The following NBAS variants were observed in gnomAD, a reference collection of about 807,000 sequenced individuals.
NBAS encodes NAG/BC035112 fusion.
In NBAS, 219 loss-of-function variants were observed where a neutral mutation model predicts 302.5. The ratio of observed to expected loss-of-function variants is 0.72; its 90% CI spans 0.65 to 0.81. The LOEUF is 0.81. NBAS is among the 30% of genes least tolerant of loss of function. The probability of loss-of-function intolerance (pLI) is 0.00; values close to 1 mark genes in which losing one functional copy is unlikely to be tolerated. For missense variants in NBAS, 2,932 were observed against 2,841.6 expected (o/e 1.03, Z -0.72); for synonymous variants, 1,118 against 1,021.6 (o/e 1.09, Z -1.80).
chr2:15,330,446 A>T (rs943558843), intron 36 of NBAS, 152 bp downstream of exon 36: 3 of 922,802 alleles, frequency 3.3e-6, no homozygotes, highest in Non-Finnish European at 4.9e-6. Context: ...AAAAGAGATT[A>T]CTCCCTATCT....
intron 48 of NBAS, among the ~76,000 whole-genome samples, chr2:15,198,870 T>C (rs984492419): frequency 3.3e-5 from 5 of 152,172 alleles, no homozygotes; most frequent in Admixed American, 6.5e-5. Flanking sequence ...CTCACGCCTG[T>C]AATCCCAGCA....
rs538294654 is a variant in NBAS at position 15,519,824 on chromosome 2, A to T, written c.747-8474T>A. Among the ~76,000 whole-genome samples the T allele has an allele frequency of 1.1e-4, 16 of 152,270 alleles. No individual in the cohort carries two copies. In the South Asian group the frequency reaches 3.3e-3, roughly 32 times the overall value. On this transcript the variant is annotated intron_variant, in intron 9 of 51. Transcript: ENST00000281513. ...ACCACATTTTGAGAACCACTGCTTT[A>T]CTTTATGTTTGAATCTGTTATATGA... is the stretch of plus-strand genomic sequence containing the variant.
the NBAS span, among the ~76,000 whole-genome samples, chr2:15,144,046 A>ATATATATATATTATCCTATATATATAT: frequency 9.6e-6 from 1 of 104,552 alleles, no homozygotes; most frequent in African/African-American, 4.8e-5. Flanking sequence ...CCTATATATA[A>ATATATATATATTATCCTATATATATAT]AAATATATAT....
chr2:15,362,170 C>T (rs1673962089), intron 32 of NBAS, among the ~76,000 whole-genome samples: 1 of 150,414 alleles, frequency 6.6e-6, no homozygotes, highest in South Asian at 2.1e-4. Flanking sequence ...CAAGTATTGG[C>T]CCAATCTATT....
intron 32 of NBAS, among the ~76,000 whole-genome samples, chr2:15,361,405 C>G (rs749532774): frequency 6.6e-6 from 1 of 151,470 alleles, no homozygotes; most frequent in Non-Finnish European, 1.5e-5. Context: ...CCCAGCTACT[C>G]GGGAGGCTGA....
chr2:15,127,170 C>T, the NBAS span, among the ~76,000 whole-genome samples: 3 of 152,222 alleles, frequency 2.0e-5, no homozygotes, highest in East Asian at 1.9e-4. Flanking sequence ...TCATTTTGCA[C>T]TGGACTGCAA....
chr2:15,113,604 C>T, the NBAS span, among the ~76,000 whole-genome samples: 1 of 152,128 alleles, frequency 6.6e-6, no homozygotes. Context: ...ACAATCTGAG[C>T]ATCATTAAGA....
intron 51 of NBAS, among the ~76,000 whole-genome samples, chr2:15,173,473 ATACTAT>A (rs1161160733): frequency 2.6e-5 from 4 of 152,244 alleles, no homozygotes; most frequent in Non-Finnish European, 5.9e-5. Flanking sequence ...GTTCTCATAT[ATACTAT>A]TACTAATAAA....
At chr2:14,948,182 T>C in the NBAS span, among the ~76,000 whole-genome samples, 2 of 152,074 alleles carry the variant, frequency 1.3e-5, no homozygotes, top group Non-Finnish European at 2.9e-5. Flanking sequence ...TTTTGTTATG[T>C]TCTTGTCTGG....
the NBAS span, among the ~76,000 whole-genome samples, chr2:15,019,480 A>T: frequency 6.6e-6 from 1 of 152,274 alleles, no homozygotes; most frequent in African/African-American, 2.4e-5. Flanking sequence ...GGGGCTGCAG[A>T]CAGAAAGAAA....
chr2:14,925,675 C>G, the NBAS span, among the ~76,000 whole-genome samples: 1 of 152,122 alleles, frequency 6.6e-6, no homozygotes, highest in Admixed American at 6.5e-5. Flanking sequence ...ATTCTGAGTC[C>G]CACCCACACG....
chr2:15,489,442 T>A (rs1166316766), intron 11 of NBAS, among the ~76,000 whole-genome samples: 1 of 151,896 alleles, frequency 6.6e-6, no homozygotes, highest in Non-Finnish European at 1.5e-5. Context: ...ATGCTATATA[T>A]CATAAATAGG....
chr2:15,065,484 T>C, the NBAS span, among the ~76,000 whole-genome samples: 4 of 152,068 alleles, frequency 2.6e-5, no homozygotes. Context: ...GACATGACCT[T>C]ATAGTAGAAA....
chr2:15,536,038 A>G (rs1663492542), intron 8 of NBAS, among the ~76,000 whole-genome samples: 1 of 152,226 alleles, frequency 6.6e-6, no homozygotes. Flanking sequence ...ACCAGCTGGT[A>G]TAATCAAGAT....
chr2:15,401,811 G>A (rs1037122567), intron 26 of NBAS, among the ~76,000 whole-genome samples: 1 of 152,094 alleles, frequency 6.6e-6, no homozygotes, highest in East Asian at 1.9e-4. Context: ...AATATAATTA[G>A]CCAATAAATA....
At chr2:15,079,320 A>G in the NBAS span, among the ~76,000 whole-genome samples, 1 of 152,094 alleles carries the variant, frequency 6.6e-6, no homozygotes, top group African/African-American at 2.4e-5. Flanking sequence ...TCTCAGCCTC[A>G]GTTTCACCAC....
the NBAS span, among the ~76,000 whole-genome samples, chr2:14,982,206 C>T: frequency 6.6e-6 from 1 of 152,154 alleles, no homozygotes; most frequent in African/African-American, 2.4e-5. Flanking sequence ...CAGCCAACAA[C>T]CAGCACCATC....
the NBAS span, among the ~76,000 whole-genome samples, chr2:15,144,062 T>C: frequency 7.4e-6 from 1 of 135,648 alleles, no homozygotes; most frequent in South Asian, 2.4e-4. Flanking sequence ...TATATATATA[T>C]ATATATCTCC....
chr2:15,055,538 G>A, the NBAS span, among the ~76,000 whole-genome samples: 1 of 152,152 alleles, frequency 6.6e-6, no homozygotes, highest in Admixed American at 6.6e-5. Flanking sequence ...GTGTCCATAT[G>A]AGGGGTATAG....
Sources: gnomAD v4.1 joint callset for allele counts (sites outside exome capture counted in the v4.1 genomes callset) on GRCh38, gnomAD v4.1.1 for gene constraint, MANE v1.5 for transcripts, NCBI Gene and HGNC (gene_info 2026-07-23, HGNC 2026-07-21) for gene names.